PRP4K: variants seen among roughly 807,000 people sequenced by gnomAD.
PRP4K encodes the protein serine/threonine-protein kinase PRP4 homolog.
At chr6:4,058,294 G>T in the PRP4K span, among the ~76,000 whole-genome samples, 9 of 152,192 alleles carry the variant, frequency 5.9e-5, no homozygotes, top group Non-Finnish European at 1.3e-4. Context: ...ACATAAAAAT[G>T]AGCTATGTTG....
the PRP4K span, among the ~76,000 whole-genome samples, chr6:4,027,240 T>C: frequency 6.6e-6 from 1 of 152,224 alleles, no homozygotes; most frequent in African/African-American, 2.4e-5. Context: ...GGCAAGTCCC[T>C]TGAAACTCAA....
At chr6:4,021,311 C>T in the PRP4K span, 30 of 1,407,842 alleles carry the variant, frequency 2.1e-5, no homozygotes, top group Middle Eastern at 1.8e-4. Context: ...GAACCCAGCT[C>T]TTCCCTACAC....
chr6:4,021,700 C>T, the PRP4K span, among the ~76,000 whole-genome samples: 21 of 152,310 alleles, frequency 1.4e-4, no homozygotes, highest in South Asian at 2.7e-3. Flanking sequence ...GTCGTTGCCC[C>T]GGGAGGCGTA....
the PRP4K span, among the ~76,000 whole-genome samples, chr6:4,030,679 A>G: frequency 0.71 from 107,535 of 152,130 alleles, 38,067 homozygotes; most frequent in East Asian, 0.77. Flanking sequence ...CTGTTAATGT[A>G]AATGTATTTT....
chr6:4,031,530 A>C, the PRP4K span: 1 of 1,402,274 alleles, frequency 7.1e-7, no homozygotes, highest in African/African-American at 1.5e-5. Context: ...AAATGATATG[A>C]TTTTAAAATG....
the PRP4K span, among the ~76,000 whole-genome samples, chr6:4,049,277 C>T: frequency 3.3e-5 from 5 of 152,294 alleles, 1 homozygote; most frequent in South Asian, 1.0e-3. Flanking sequence ...ATTCTAAAAG[C>T]AGCCCAGAAA....
At chr6:4,033,557 T>G in the PRP4K span, among the ~76,000 whole-genome samples, 1 of 152,158 alleles carries the variant, frequency 6.6e-6, no homozygotes, top group Non-Finnish European at 1.5e-5. Flanking sequence ...AACAGATTTC[T>G]TAATGTCTTT....
the PRP4K span, chr6:4,032,830 C>A: frequency 6.6e-6 from 9 of 1,368,320 alleles, no homozygotes; most frequent in South Asian, 4.3e-5. Context: ...ACTTGTGGAC[C>A]ATTAAAAATG....
the PRP4K span, among the ~76,000 whole-genome samples, chr6:4,030,170 T>A: frequency 2.0e-5 from 3 of 152,218 alleles, no homozygotes; most frequent in Non-Finnish European, 4.4e-5. Context: ...CTTGAACTCC[T>A]GACCTCAGGT....
At chr6:4,047,606 G>T in the PRP4K span, among the ~76,000 whole-genome samples, 2 of 151,904 alleles carry the variant, frequency 1.3e-5, no homozygotes, top group Admixed American at 1.3e-4. Flanking sequence ...TCCACTTTGG[G>T]GCCTCTATAT....
At chr6:4,049,245 A>G in the PRP4K span, 16 of 753,506 alleles carry the variant, frequency 2.1e-5, no homozygotes, top group African/African-American at 2.7e-4. Flanking sequence ...GGCACATCCA[A>G]CAGCTGCATG....
At chr6:4,050,784 T>C in the PRP4K span, among the ~76,000 whole-genome samples, 1 of 152,236 alleles carries the variant, frequency 6.6e-6, no homozygotes, top group African/African-American at 2.4e-5. Flanking sequence ...CTTCTGTATT[T>C]AGCTGCTTAC....
At chr6:4,063,573 C>T in the PRP4K span, 1 of 152,092 alleles carries the variant, frequency 6.6e-6, no homozygotes, top group Non-Finnish European at 1.5e-5. Flanking sequence ...ACCAGTGTTC[C>T]AGTCTTAAAG....
chr6:4,056,966 A>G, the PRP4K span: 971,560 of 1,409,546 alleles, frequency 0.69, 335,328 homozygotes, highest in East Asian at 0.79. Context: ...CCCCTCATTA[A>G]TGGAAATAAA....
chr6:4,024,530 A>G, the PRP4K span, among the ~76,000 whole-genome samples: 1 of 118,744 alleles, frequency 8.4e-6, no homozygotes, highest in South Asian at 3.3e-4. Flanking sequence ...ATGCCTACCA[A>G]ATAAATTCAC....
At chr6:4,029,938 C>CCT in the PRP4K span, among the ~76,000 whole-genome samples, 7 of 133,780 alleles carry the variant, frequency 5.2e-5, no homozygotes, top group African/African-American at 1.9e-4. Context: ...TGTTTTCTTT[C>CCT]TTTTTTTTTT....
the PRP4K span, chr6:4,060,812 A>G: frequency 8.3e-6 from 5 of 605,468 alleles, no homozygotes; most frequent in East Asian, 1.5e-4. The surrounding 1 kb of genome is among the most constrained non-coding windows in gnomAD (Gnocchi z 4.7). Flanking sequence ...GTGAAATTTC[A>G]CTGTAGACTG....
At chr6:4,029,012 C>CTTTTTTTTTTTTTGTTT in the PRP4K span, among the ~76,000 whole-genome samples, 1 of 132,484 alleles carries the variant, frequency 7.5e-6, no homozygotes, top group Non-Finnish European at 1.6e-5. Flanking sequence ...TACTTGGAAT[C>CTTTTTTTTTTTTTGTTT]TTTTTTTTTT....
the PRP4K span, among the ~76,000 whole-genome samples, chr6:4,047,765 C>T: frequency 3.9e-5 from 6 of 151,910 alleles, no homozygotes; most frequent in Admixed American, 6.6e-5. Flanking sequence ...AAACTATGAA[C>T]GTGGTCAAAC....
Sources: allele counts gnomAD v4.1 joint callset (sites outside exome capture counted in the v4.1 genomes callset), GRCh38; gene constraint gnomAD v4.1.1; non-coding constraint Gnocchi (gnomAD v3.1); transcripts MANE v1.5; gene names NCBI Gene and HGNC (gene_info 2026-07-23, HGNC 2026-07-21).